Variants in TERB1 observed in about 807,000 individuals in gnomAD.
TERB1 encodes telomere repeat binding bouquet formation protein 1, also known as telomere repeats-binding bouquet formation protein 1.
A neutral mutation model predicts 92.3 loss-of-function variants in TERB1; 63 were observed. The observed-to-expected ratio is 0.68, with a 90% CI of 0.56 to 0.84. The LOEUF (loss-of-function observed/expected upper bound fraction) is 0.84, where lower values mean the gene tolerates loss of function less well. Ranked by LOEUF, TERB1 falls within the 40% of genes least tolerant of loss-of-function variation. The pLI is 0.00. For synonymous variants in TERB1, 252 were observed against 283.9 expected, an observed-to-expected ratio of 0.89 and a Z score of 1.13; for missense variants, 709 against 843.7, an observed-to-expected ratio of 0.84 and a Z score of 1.98.
intron 9 of TERB1, among the ~76,000 whole-genome samples, chr16:66,779,919 TC>T (rs1567473323): frequency 6.6e-6 from 1 of 152,226 alleles, no homozygotes; most frequent in East Asian, 1.9e-4. Flanking sequence ...ATGACCGGTA[TC>T]TATTTCTTTA....
intron 12 of TERB1, among the ~76,000 whole-genome samples, chr16:66,773,739 A>G (rs1401999325): frequency 6.6e-6 from 1 of 152,228 alleles, no homozygotes; most frequent in East Asian, 1.9e-4. Context: ...TCAATTTATA[A>G]TAACACATAA....
intron 15 of TERB1, 128 bp from the exon 16 acceptor site, chr16:66,767,638 T>C: frequency 1.8e-6 from 1 of 563,760 alleles, no homozygotes; most frequent in Non-Finnish European, 3.1e-6. Flanking sequence ...TGCTGGTGAA[T>C]AAACAGAAAG....
intron 12 of TERB1, among the ~76,000 whole-genome samples, chr16:66,773,085 T>G (rs2018480803): frequency 6.6e-6 from 1 of 151,908 alleles, no homozygotes; most frequent in African/African-American, 2.4e-5. Context: ...TCCTTGCATT[T>G]TGGGATGCCG....
In TERB1 at chr16:66,777,351, G is replaced by T; in HGVS notation, c.854-17C>A. 6.7e-7 allele frequency: 1 copy of T among 1,483,786 alleles called. No homozygotes were observed. The highest frequency in any genetic ancestry group is 9.1e-7 in the Non-Finnish European group (1 of 1,099,234). 91.9% of individuals were successfully genotyped at this position (1,483,786 alleles called of 1,614,324 possible). On this transcript the variant is annotated splice_polypyrimidine_tract_variant and intron_variant, in intron 10 of 18. Transcript: ENST00000433154. ...CAAAAGTAGCTATTAGTATAAAATA[G>T]GAAAAAAAGATAGTACAAATTTAAA... is the stretch of plus-strand genomic sequence containing the variant.
chr16:66,758,726 G>A (rs1325675687), intron 18 of TERB1, 47 bp downstream of exon 18: 3 of 1,199,544 alleles, frequency 2.5e-6, no homozygotes, highest in Non-Finnish European at 3.6e-6. Context: ...GGGTAACAGA[G>A]CCAGACCCTG....
chr16:66,798,233 G>A (rs900610836), intron 2 of TERB1, among the ~76,000 whole-genome samples: 2 of 150,176 alleles, frequency 1.3e-5, no homozygotes, highest in Admixed American at 6.6e-5. Context: ...AGGCTGTAGT[G>A]CAGTGGCATG....
intron 2 of TERB1, among the ~76,000 whole-genome samples, chr16:66,797,170 T>C (rs1413441429): frequency 1.3e-5 from 2 of 151,968 alleles, no homozygotes; most frequent in Admixed American, 1.3e-4. Flanking sequence ...ACAAATTTTA[T>C]TAAGCAAATG....
chr16:66,767,384 G>A, intron 16 of TERB1, 31 bp downstream of exon 16: 1 of 1,219,796 alleles, frequency 8.2e-7, no homozygotes, highest in Non-Finnish European at 1.1e-6. Flanking sequence ...GGCTTTGACT[G>A]TGAAACAACT....
Position 66,775,254 on chromosome 16 carries a change from T to C in TERB1, c.986-11A>G. 6.5e-7 allele frequency: 1 copy of C among 1,545,186 alleles called. No individual in the cohort carries two copies. Among genetic ancestry groups the C allele is most frequent in the East Asian group, 2.4e-5 (1 of 40,854 alleles). On this transcript the variant is annotated splice_polypyrimidine_tract_variant and intron_variant, in intron 11 of 18. Transcript: ENST00000433154. ...CATACTGATTTTCCTCTGGAAAACA[T>C]AAACAAAGAGGACAATGTTTTTTAT...
rs181400763 is a variant in TERB1, at chr16:66,767,762, C to G, written c.1685-252G>C. On this transcript the variant is annotated intron_variant, in intron 15 of 18. Transcript: ENST00000433154. ...TTTTTTTTTGAGATGGAGTCTCACT[C>G]TGTCGTCCAGGCTGGAGTGCAGTGG... is the stretch of plus-strand genomic sequence containing the variant. Among the ~76,000 whole-genome samples, 247 of 151,820 alleles carry G rather than the reference C, an allele frequency of 1.6e-3. 1 individual carries two copies. The highest frequency in any genetic ancestry group is 2.6e-3 in the Admixed American group (39 of 15,234).
chr16:66,765,816 T>C (rs1350182962), intron 16 of TERB1, among the ~76,000 whole-genome samples: 1 of 150,118 alleles, frequency 6.7e-6, no homozygotes, highest in Non-Finnish European at 1.5e-5. Context: ...GATGAATAAT[T>C]GAAAGGATAG....
chr16:66,767,427 A>G lies in TERB1; in HGVS notation c.1768T>C (p.Tyr590His). ...AAAAAATACTTACCTGAGCACCTAT[A>G]CGTCAACATTTCGGAACAACTGGGA... ...ATPSCSEMLT[Y>H]RCSGCIAVEK... The change falls in exon 16 of 19, where the codon TAT becomes CAT. Residue 590 changes from tyrosine to histidine, a missense_variant. By Grantham distance (83) the Tyr-to-His change is moderately conservative (BLOSUM62 2). Coordinates refer to ENST00000433154, the MANE Select transcript of TERB1 (RefSeq NM_001136505.2). The G allele has an allele frequency of 6.6e-7, 1 of 1,522,470 alleles. No individual in the cohort carries two copies. Among genetic ancestry groups the G allele is most frequent in the Non-Finnish European group, 8.8e-7 (1 of 1,130,696 alleles). 94.3% of individuals were successfully genotyped at this position (1,522,470 alleles called of 1,614,324 possible). A position where few individuals can be genotyped will look rare whatever the true frequency, so the allele number is the denominator to read the frequency against.
Position 66,758,772 on chromosome 16 carries a change from CT to C in TERB1, c.1996del (p.Arg668GlufsTer12). 1 of 1,512,702 alleles carries C rather than the reference CT, an allele frequency of 6.6e-7. No individual in the cohort carries two copies. The highest frequency in any genetic ancestry group is 9.0e-7 in the Non-Finnish European group (1 of 1,113,640). 93.7% of individuals were successfully genotyped at this position (1,512,702 alleles called of 1,614,324 possible). On this transcript the variant is annotated frameshift_variant and splice_region_variant, in exon 18 of 19. Transcript: ENST00000433154. LOFTEE classifies it high-confidence loss of function. ...SNESTTPGGI[K>X]KRRIRKNFTE... Reference sequence around the variant, plus strand: ...AAAAAAATTAAATTAAATATATTCACTTATTCCTCCAGGGGTAGTAGATTCA... The same window carrying C: ...AAAAAAATTAAATTAAATATATTCACTATTCCTCCAGGGGTAGTAGATTCA...
At chr16:66,790,848 T>C (rs1159324426) in intron 4 of TERB1, 61 bp downstream of exon 4, 3 of 1,402,176 alleles carry the variant, frequency 2.1e-6, no homozygotes, top group Non-Finnish European at 2.9e-6. Flanking sequence ...CTATGCTTAT[T>C]TGATATATCA....
intron 17 of TERB1, 65 bp from the exon 18 acceptor site, chr16:66,758,903 C>T: frequency 9.1e-7 from 1 of 1,100,004 alleles, no homozygotes; most frequent in Admixed American, 2.5e-5. Flanking sequence ...ATATCAATTC[C>T]ATTAGTATAT....
intron 9 of TERB1, among the ~76,000 whole-genome samples, chr16:66,783,582 G>T (rs1015399353): frequency 6.6e-6 from 1 of 152,100 alleles, no homozygotes; most frequent in Admixed American, 6.6e-5. Context: ...TTATATGTTG[G>T]GAAGTGTTTC....
chr16:66,783,324 A>G (rs1422510542), intron 9 of TERB1, among the ~76,000 whole-genome samples: 3 of 152,242 alleles, frequency 2.0e-5, no homozygotes, highest in African/African-American at 7.2e-5. Flanking sequence ...CTTTTCCTGC[A>G]TCTATTGAAA....
Position 66,755,116 on chromosome 16 carries a change from G to A in TERB1, c.2044C>T (p.Leu682Phe). 4 of 1,549,768 alleles carry A rather than the reference G, an allele frequency of 2.6e-6. No individual in the cohort carries two copies. Among genetic ancestry groups the A allele is most frequent in the East Asian group, 2.4e-5 (1 of 40,884 alleles). The change falls in exon 19 of 19, where the codon CTT (leucine) becomes TTT (phenylalanine). Residue 682 changes from leucine (L) to phenylalanine (F), a missense_variant. Transcript: ENST00000433154. Reference protein sequence around the residue: ...KNFTEEEVNYLFNGVKKMGNH... With the variant: ...KNFTEEEVNYFFNGVKKMGNH... The stretch of plus-strand genomic sequence containing the variant: ...CCCATTTTCTTAACTCCATTGAAAA[G>A]GTAATTTACTTCTTCTTCAGTAAAG...
At chr16:66,784,441 C>T (rs1250962248) in intron 9 of TERB1, among the ~76,000 whole-genome samples, 1 of 151,742 alleles carries the variant, frequency 6.6e-6, no homozygotes, top group East Asian at 1.9e-4. Flanking sequence ...AAGTGATTCT[C>T]CTGCCTCAGC....
Sources: gnomAD v4.1 joint callset for allele counts (sites outside exome capture counted in the v4.1 genomes callset) on GRCh38, gnomAD v4.1.1 for gene constraint, MANE v1.5 for transcripts, NCBI Gene and HGNC (gene_info 2026-07-23, HGNC 2026-07-21) for gene names.